Variants in SORCS1 observed in about 807,000 individuals in gnomAD.
SORCS1 encodes sortilin related VPS10 domain containing receptor 1.
Under a neutral mutation model 146.1 loss-of-function variants are expected in SORCS1, and 60 were observed. That is an observed-to-expected ratio of 0.41 (90% confidence interval 0.33 to 0.51). The LOEUF (loss-of-function observed/expected upper bound fraction) is 0.51. SORCS1 is among the 20% of genes least tolerant of loss of function. The probability of loss-of-function intolerance (pLI) is 0.21; values close to 1 mark genes in which losing one functional copy is unlikely to be tolerated. For synonymous variants in SORCS1, 637 were observed against 584.0 expected, an observed-to-expected ratio of 1.09 and a Z score of -1.31; for missense variants, 1,352 against 1,487.6, an observed-to-expected ratio of 0.91 and a Z score of 1.50.
At chr10:106,708,012 T>C (rs1030240585) in intron 7 of SORCS1, among the ~76,000 whole-genome samples, 1 of 152,168 alleles carries the variant, frequency 6.6e-6, no homozygotes, top group Non-Finnish European at 1.5e-5. Context: ...CATGGTGGCA[T>C]GGGTAAAGAC....
At chr10:106,862,486 C>CA (rs1950053334) in intron 2 of SORCS1, among the ~76,000 whole-genome samples, 1 of 152,060 alleles carries the variant, frequency 6.6e-6, no homozygotes, top group South Asian at 2.1e-4. Context: ...TCTCATCTCT[C>CA]TTCAATGTTT....
intron 21 of SORCS1, 117 bp from the exon 22 acceptor site, chr10:106,612,140 C>A (rs1286514139): frequency 1.4e-6 from 1 of 710,512 alleles, no homozygotes; most frequent in Non-Finnish European, 2.3e-6. Flanking sequence ...CCATAGGGAC[C>A]TTTTTAGAAG....
At chr10:106,801,747 G>A (rs190505150) in intron 3 of SORCS1, among the ~76,000 whole-genome samples, 1 of 152,164 alleles carries the variant, frequency 6.6e-6, no homozygotes, top group African/African-American at 2.4e-5. Context: ...AGCCAGGACG[G>A]TCTCGATCTC....
At position 106,964,286 on chromosome 10, in the gene SORCS1, G is replaced by A. The variant is rs765091082; in HGVS notation, c.559-7706C>T. ...AGAAAAGGCTTTGGAACCAGAAGAC[G>A]ACCAGATTTTGATTTTTAATTAATT... On this transcript the variant is annotated intron_variant, in intron 1 of 25. Transcript: ENST00000263054. Among the ~76,000 whole-genome samples the A allele has an allele frequency of 8.6e-5, 13 of 151,962 alleles. No individual in the cohort carries two copies. The East Asian group carries it at 2.1e-3, about 25-fold the overall frequency.
chr10:106,848,056 A>G (rs1589541834), intron 2 of SORCS1, among the ~76,000 whole-genome samples: 1 of 115,510 alleles, frequency 8.7e-6, no homozygotes, highest in East Asian at 2.7e-4. Flanking sequence ...AAAAATGTAT[A>G]TTCTGTTGAT....
chr10:107,035,931 T>C lies in SORCS1; in HGVS notation c.559-79351A>G, dbSNP rs960813260. Among the ~76,000 whole-genome samples, 22 of 148,868 alleles carry C rather than the reference T, an allele frequency of 1.5e-4. No homozygotes were observed. The East Asian group carries it at 4.3e-3, about 29-fold the overall frequency. ...TATATAAAAATATATATTATGTTTA[T>C]AACATATATATAATATATATAGTTT... On this transcript the variant is annotated intron_variant, in intron 1 of 25. Coordinates refer to ENST00000263054, the MANE Select transcript of SORCS1 (RefSeq NM_052918.5).
Position 106,859,647 on chromosome 10 carries a change from C to T in SORCS1, c.627-29974G>A, listed in dbSNP as rs372855709. Reference sequence around the variant, plus strand: ...GCCTCAAGTGATCTGCCCACTTTGGCCTCCCAAAGTGCTGGGATTACAGGC... The same window carrying T: ...GCCTCAAGTGATCTGCCCACTTTGGTCTCCCAAAGTGCTGGGATTACAGGC... On this transcript the variant is annotated intron_variant, in intron 2 of 25. Transcript: ENST00000263054. 3.9e-5 allele frequency among the ~76,000 whole-genome samples: 6 copies of T among 152,290 alleles called. No individual in the cohort carries two copies. In the East Asian group the frequency reaches 1.2e-3, roughly 29 times the overall value.
chr10:106,649,594 T>C lies in SORCS1; in HGVS notation c.2475+2788A>G, dbSNP rs570232637. Among the ~76,000 whole-genome samples the C allele has an allele frequency of 1.4e-4, 21 of 152,308 alleles. No homozygotes were observed. The South Asian group carries it at 4.2e-3, about 30-fold the overall frequency. ...TAGCTCAGTGATTTTTCTTTGCACA[T>C]ATTCTTCTTGAGTTTGCTGATTCTG... On this transcript the variant is annotated intron_variant, in intron 18 of 25. Transcript: ENST00000263054.
At chr10:106,830,148 T>G (rs960838688) in intron 2 of SORCS1, among the ~76,000 whole-genome samples, 1 of 152,192 alleles carries the variant, frequency 6.6e-6, no homozygotes. Flanking sequence ...TTCTTATTAT[T>G]TAAGAGCAAG....
At chr10:107,017,748 C>T (rs145784571) in intron 1 of SORCS1, among the ~76,000 whole-genome samples, 3,679 of 152,248 alleles carry the variant, frequency 0.024, 143 homozygotes, top group African/African-American at 0.084. Context: ...CTCCACTTCC[C>T]TGGTTCAAGC....
chr10:106,778,765 CAAGGT>C (rs951551954), intron 3 of SORCS1, among the ~76,000 whole-genome samples: 6 of 152,116 alleles, frequency 3.9e-5, no homozygotes, highest in Non-Finnish European at 5.9e-5. Context: ...TTGTCTCAGG[CAAGGT>C]GATTCCCTTC....
chr10:107,029,395 T>G (rs1564946149), intron 1 of SORCS1, among the ~76,000 whole-genome samples: 1 of 152,156 alleles, frequency 6.6e-6, no homozygotes, highest in Non-Finnish European at 1.5e-5. Flanking sequence ...ATGTGGGAGC[T>G]CCCATCCTCC....
At chr10:107,160,064 C>G (rs1268227131) in intron 1 of SORCS1, among the ~76,000 whole-genome samples, 1 of 152,218 alleles carries the variant, frequency 6.6e-6, no homozygotes, top group Non-Finnish European at 1.5e-5. Context: ...AGAGAACAAC[C>G]AAAGCACTAC....
intron 1 of SORCS1, among the ~76,000 whole-genome samples, chr10:107,039,362 T>C (rs1959064259): frequency 6.7e-6 from 1 of 149,374 alleles, no homozygotes; most frequent in South Asian, 2.1e-4. Context: ...GATGACAAAC[T>C]TCTGAAAGTA....
At chr10:107,014,269 AAAAG>A (rs1957804145) in intron 1 of SORCS1, among the ~76,000 whole-genome samples, 1 of 135,386 alleles carries the variant, frequency 7.4e-6, no homozygotes, top group African/African-American at 3.6e-5. Flanking sequence ...AAAAAAAAAA[AAAAG>A]AAAAGAAAAA....
At chr10:106,921,705 A>G (rs1250207754) in intron 2 of SORCS1, among the ~76,000 whole-genome samples, 1 of 152,176 alleles carries the variant, frequency 6.6e-6, no homozygotes, top group Non-Finnish European at 1.5e-5. Context: ...TAGAAACTAT[A>G]AGGACTCAAT....
chr10:106,837,503 T>G (rs140721856), intron 2 of SORCS1, among the ~76,000 whole-genome samples: 1 of 151,458 alleles, frequency 6.6e-6, no homozygotes, highest in East Asian at 1.9e-4. Flanking sequence ...TGCTTGACAC[T>G]CACTTTCAGT....
At chr10:106,808,050 C>T (rs574733565) in intron 3 of SORCS1, among the ~76,000 whole-genome samples, 1 of 152,278 alleles carries the variant, frequency 6.6e-6, no homozygotes, top group Non-Finnish European at 1.5e-5. Flanking sequence ...GATGGAGTTT[C>T]GCTCTTGTTG....
intron 1 of SORCS1, among the ~76,000 whole-genome samples, chr10:106,988,019 T>C (rs1956562799): frequency 1.3e-5 from 2 of 152,304 alleles, no homozygotes; most frequent in Admixed American, 6.5e-5. Flanking sequence ...TTCACCAGAC[T>C]CATCTTCCTC....
Sources: gnomAD v4.1 joint callset for allele counts (sites outside exome capture counted in the v4.1 genomes callset) on GRCh38, gnomAD v4.1.1 for gene constraint, MANE v1.5 for transcripts, NCBI Gene and HGNC (gene_info 2026-07-23, HGNC 2026-07-21) for gene names.